MTMR10: variants seen among roughly 807,000 people sequenced by gnomAD.
The protein encoded by MTMR10 is myotubularin-related protein 10.
MTMR10 carries 56 observed loss-of-function variants against 88.1 expected under a neutral mutation model. The ratio of observed to expected loss-of-function variants is 0.64; its 90% confidence interval spans 0.51 to 0.79. MTMR10 has a LOEUF of 0.79. MTMR10 is among the 30% of genes least tolerant of loss of function. The pLI is 0.00. For missense variants in MTMR10, 883 were observed against 924.7 expected (o/e 0.95, Z 0.58); for synonymous variants, 380 against 340.9 (o/e 1.11, Z -1.26).
chr15:30,969,579 A>T (rs2063512993), intron 5 of MTMR10, among the ~76,000 whole-genome samples: 1 of 152,154 alleles, frequency 6.6e-6, no homozygotes, highest in Non-Finnish European at 1.5e-5. Context: ...TACTCACCTT[A>T]TGGCACCTCT....
chr15:30,939,445 G>A lies in MTMR10; in HGVS notation c.*2025C>T. The A allele has an allele frequency of 1.0e-6, 1 of 985,386 alleles. No individual in the cohort carries two copies. The highest frequency in any genetic ancestry group is 1.2e-6 in the Non-Finnish European group (1 of 829,928). 61.0% of individuals were successfully genotyped at this position (985,386 alleles called of 1,614,324 possible). A position where few individuals can be genotyped will look rare whatever the true frequency, so the allele number is the denominator to read the frequency against. On this transcript the variant is annotated 3_prime_UTR_variant, in exon 16 of 16. Coordinates refer to ENST00000435680, the MANE Select transcript of MTMR10 (RefSeq NM_017762.3). ...GAGGTGGTATAAGCAGCTTCACCCT[G>A]GCCCGACTGAAGGCTGTCATAGTTG...
At chr15:30,931,534 C>G in the MTMR10 span, among the ~76,000 whole-genome samples, 1 of 152,174 alleles carries the variant, frequency 6.6e-6, no homozygotes, top group African/African-American at 2.4e-5. Flanking sequence ...CCTTTGTTTT[C>G]TTCTAGAAGT....
the MTMR10 span, chr15:30,920,671 T>C: frequency 7.0e-7 from 1 of 1,438,442 alleles, no homozygotes; most frequent in Non-Finnish European, 9.7e-7. Flanking sequence ...CACAGGTCCC[T>C]GCCCCCCACC....
chr15:30,955,896 G>T (rs1356593640), intron 9 of MTMR10, among the ~76,000 whole-genome samples: 1 of 151,894 alleles, frequency 6.6e-6, no homozygotes, highest in Admixed American at 6.6e-5. Context: ...GTGCCATGGG[G>T]TCTCTAGATC....
At position 30,960,966 on chromosome 15, in the gene MTMR10, A is replaced by T; in HGVS notation, c.673T>A (p.Ser225Thr). 1 of 1,606,972 alleles carries T rather than the reference A, an allele frequency of 6.2e-7. No homozygotes were observed. The highest frequency in any genetic ancestry group is 1.3e-5 in the African/African-American group (1 of 74,928). The change falls in exon 7 of 16, where the codon TCG becomes ACG. Residue 225 changes from serine to threonine, a missense_variant. Coordinates refer to ENST00000435680, the MANE Select transcript of MTMR10 (RefSeq NM_017762.3). The stretch of plus-strand genomic sequence containing the variant: ...CTCTTGATTTCTCTGTCCCAATCCG[A>T]GTAAGTTTCAAAGAGTGGAGTTTTC... ...SQKTPLFETY[S>T]DWDREIKRTG...
intron 14 of MTMR10, chr15:30,946,321 G>A (rs1051322960): frequency 1.2e-5 from 2 of 168,676 alleles, no homozygotes; most frequent in Non-Finnish European, 1.3e-5. Context: ...CATACAATGA[G>A]ACTAAAGGCA....
At chr15:30,925,007 T>C in the MTMR10 span, 10 of 1,013,276 alleles carry the variant, frequency 9.9e-6, no homozygotes, top group East Asian at 2.5e-4. Flanking sequence ...AAGTGCTGTT[T>C]GCTCATTTGC....
chr15:30,959,159 A>G (rs2063367463), intron 7 of MTMR10, 38 bp from the exon 8 acceptor site: 3 of 1,513,754 alleles, frequency 2.0e-6, no homozygotes, highest in Non-Finnish European at 2.7e-6. Flanking sequence ...GTGCTGTGCT[A>G]AAAGCAGGAA....
At chr15:30,988,376 T>C (rs999965344) in intron 2 of MTMR10, among the ~76,000 whole-genome samples, 1 of 152,238 alleles carries the variant, frequency 6.6e-6, no homozygotes, top group Non-Finnish European at 1.5e-5. Context: ...CCGTCATGTA[T>C]GCATGTACAG....
chr15:30,981,880 GC>G (rs1429700965), intron 2 of MTMR10, among the ~76,000 whole-genome samples: 1 of 152,004 alleles, frequency 6.6e-6, no homozygotes, highest in Non-Finnish European at 1.5e-5. Flanking sequence ...AACCAGCCTG[GC>G]CAACATGGTA....
At chr15:30,973,140 C>T (rs369547645) in intron 5 of MTMR10, among the ~76,000 whole-genome samples, 1 of 152,108 alleles carries the variant, frequency 6.6e-6, no homozygotes, top group African/African-American at 2.4e-5. Context: ...ATATAATAGG[C>T]ACTTTAAATT....
At chr15:30,972,783 T>C (rs2063552784) in intron 5 of MTMR10, among the ~76,000 whole-genome samples, 1 of 152,140 alleles carries the variant, frequency 6.6e-6, no homozygotes, top group Non-Finnish European at 1.5e-5. Context: ...ACATGAAAAA[T>C]GACCAACAAG....
At position 30,991,528 on chromosome 15, in the gene MTMR10, C is replaced by T; in HGVS notation, c.-22G>A. On this transcript the variant is annotated 5_prime_UTR_variant, in exon 1 of 16. Coordinates refer to ENST00000435680, the MANE Select transcript of MTMR10 (RefSeq NM_017762.3). ...ACATGGTGCCGCCGCCTTTTCGCCC[C>T]GTTCCCGTCGCGGGCCAGTGGCAGC... The T allele has an allele frequency of 1.3e-6, 2 of 1,536,012 alleles. No homozygotes were observed. Among genetic ancestry groups the T allele is most frequent in the East Asian group, 2.7e-5 (1 of 37,090 alleles).
intron 2 of MTMR10, among the ~76,000 whole-genome samples, chr15:30,983,071 T>C (rs1039616658): frequency 6.6e-5 from 10 of 152,224 alleles, no homozygotes; most frequent in African/African-American, 2.2e-4. Flanking sequence ...AGGGAGACTA[T>C]ACGCCTGTGC....
the MTMR10 span, among the ~76,000 whole-genome samples, chr15:30,922,873 C>T: frequency 4.4e-4 from 67 of 152,342 alleles, no homozygotes; most frequent in African/African-American, 1.5e-3. Flanking sequence ...TGAGCAGGCA[C>T]CAGTGCTCCC....
Position 30,959,031 on chromosome 15 carries a change from T to TA in MTMR10, c.846+2dup. The TA allele has an allele frequency of 6.2e-7, 1 of 1,613,726 alleles. No individual in the cohort carries two copies. Among genetic ancestry groups the TA allele is most frequent in the Non-Finnish European group, 8.5e-7 (1 of 1,179,676 alleles). On this transcript the variant is annotated splice_region_variant and intron_variant, in intron 8 of 15. Transcript: ENST00000435680. The stretch of plus-strand genomic sequence containing the variant: ...TTCATAAAATCCAACAGAAATCACT[T>TA]ACTGGCATCCTTCTCCCAACAAAAG...
rs540932368 is a variant in MTMR10, at chr15:30,988,436, G to C, written c.121+2341C>G. Among the ~76,000 whole-genome samples the C allele has an allele frequency of 3.9e-5, 6 of 152,306 alleles. No homozygotes were observed. In the East Asian group the frequency reaches 7.7e-4, roughly 20 times the overall value. On this transcript the variant is annotated intron_variant, in intron 2 of 15. Transcript: ENST00000435680. Reference sequence around the variant, plus strand: ...ATGCAATAAAAATTAACACAGGTCAGAGAATTCCTTAATGGGCAACTAAAA... The same window carrying C: ...ATGCAATAAAAATTAACACAGGTCACAGAATTCCTTAATGGGCAACTAAAA...
chr15:30,942,820 C>T (rs182788258), intron 15 of MTMR10, 70 bp downstream of exon 15: 19 of 1,427,456 alleles, frequency 1.3e-5, no homozygotes, highest in Admixed American at 2.3e-5. Flanking sequence ...ACTTTTAACG[C>T]TCTCTGTTCT....
chr15:30,942,344 C>T (rs2063083197), intron 15 of MTMR10: 2 of 489,762 alleles, frequency 4.1e-6, no homozygotes, highest in South Asian at 5.6e-5. Context: ...AGGATAAGTT[C>T]TAAGACGGGC....
Sources: allele counts gnomAD v4.1 joint callset (sites outside exome capture counted in the v4.1 genomes callset), GRCh38; gene constraint gnomAD v4.1.1; transcripts MANE v1.5; gene names NCBI Gene and HGNC (gene_info 2026-07-23, HGNC 2026-07-21).